RB1: variants seen among roughly 807,000 people sequenced by gnomAD.
RB1 encodes RB transcriptional corepressor 1, also known as retinoblastoma-associated protein.
Under a neutral mutation model 135.4 loss-of-function variants are expected in RB1, and 18 were observed. The observed-to-expected ratio is 0.13, with a 90% CI of 0.09 to 0.20. The LOEUF (loss-of-function observed/expected upper bound fraction) is 0.20, where lower values mean the gene tolerates loss of function less well. Among genes scored for constraint, RB1 ranks in the 10% least tolerant of loss-of-function variants. RB1 has a pLI of 1.00. For missense variants in RB1, 868 were observed against 1,110.0 expected (o/e 0.78, Z 3.10); for synonymous variants, 365 against 373.2 (o/e 0.98, Z 0.25).
chr13:48,442,893 TACCC>T (rs1949251823), intron 17 of RB1, among the ~76,000 whole-genome samples: 1 of 152,124 alleles, frequency 6.6e-6, no homozygotes. Context: ...TTTAAAAAAA[TACCC>T]AACACCACAA....
At chr13:48,423,391 A>G (rs1157625725) in intron 17 of RB1, among the ~76,000 whole-genome samples, 1 of 152,088 alleles carries the variant, frequency 6.6e-6, no homozygotes, top group Non-Finnish European at 1.5e-5. Flanking sequence ...CTCAGGTATA[A>G]TAGATCAAGG....
In RB1 at chr13:48,373,457, G is replaced by A. The variant is rs753350745; in HGVS notation, c.1180G>A (p.Asp394Asn). 5 of 1,595,852 alleles carry A rather than the reference G, an allele frequency of 3.1e-6. No homozygotes were observed. In the Admixed American group the frequency reaches 8.3e-5, roughly 27 times the overall value. The change falls in exon 12 of 27, where the codon GAT becomes AAT. Residue 394 changes from aspartate to asparagine, a missense_variant. Asp to Asn is a conservative substitution (Grantham distance 23). Around this residue, in one of 3 missense-constraint regions of RB1, gnomAD observed 641 missense variants for 791.3 expected, o/e 0.81. Transcript: ENST00000267163. Reference sequence around the variant, plus strand: ...AATGATGATTTTAAATTCAGCAAGTGATCAACCTTCAGAAAATCTGATTTC... The same window carrying A: ...AATGATGATTTTAAATTCAGCAAGTAATCAACCTTCAGAAAATCTGATTTC... The part of the protein sequence containing the change: ...QLMMILNSAS[D>N]QPSENLISYF...
intron 17 of RB1, among the ~76,000 whole-genome samples, chr13:48,382,013 A>G (rs1948540169): frequency 6.6e-6 from 1 of 152,174 alleles, no homozygotes; most frequent in African/African-American, 2.4e-5. Context: ...TGTCCCTACA[A>G]AGGACATGAA....
At chr13:48,448,641 T>C (rs1209328488) in intron 17 of RB1, among the ~76,000 whole-genome samples, 1 of 152,220 alleles carries the variant, frequency 6.6e-6, no homozygotes. Context: ...AAGAGTAAAG[T>C]TAAGAAAAGA....
Position 48,453,077 on chromosome 13 carries a change from C to T in RB1, c.1780C>T (p.Leu594Phe), listed in dbSNP as rs1361971661. ...DHLESACPLN[L>F]PLQNNHTAAD... ...CCTTGAATCTGCTTGTCCTCTTAAT[C>T]TTCCTCTCCAGAATAATCACACTGC... is the stretch of plus-strand genomic sequence containing the variant. The change falls in exon 18 of 27, where the codon CTT (leucine) becomes TTT (phenylalanine). Residue 594 changes from leucine to phenylalanine, a missense_variant. Around this residue, in one of 3 missense-constraint regions of RB1, gnomAD observed 641 missense variants for 791.3 expected, o/e 0.81. Coordinates refer to ENST00000267163, the MANE Select transcript of RB1 (RefSeq NM_000321.3). 1 of 1,612,992 alleles carries T rather than the reference C, an allele frequency of 6.2e-7. No homozygotes were observed. Among genetic ancestry groups the T allele is most frequent in the Non-Finnish European group, 8.5e-7 (1 of 1,179,690 alleles).
In RB1 at chr13:48,411,008, A is replaced by T. The variant is rs533160788; in HGVS notation, c.1695+29565A>T. The T allele has an allele frequency of 2.6e-5, 4 of 152,876 alleles. No homozygotes were observed. The South Asian group carries it at 8.2e-4, about 31-fold the overall frequency. 9.5% of individuals were successfully genotyped at this position (152,876 alleles called of 1,614,324 possible). A position where few individuals can be genotyped will look rare whatever the true frequency, so the allele number is the denominator to read the frequency against. On this transcript the variant is annotated intron_variant, in intron 17 of 26. Transcript: ENST00000267163. The stretch of plus-strand genomic sequence containing the variant: ...ATTCAAAATAAAAATGGTATGTTGA[A>T]TAAAATATTACATAAACATAAATTA...
rs1060503090 is a variant in RB1, at chr13:48,307,377, G to C, written c.235G>C (p.Glu79Gln). Residue 79 changes from glutamate (E) to glutamine (Q), a missense_variant, in exon 2 of 27, where the codon GAG (glutamate) becomes CAG (glutamine). Physicochemically the swap from Glu to Gln is conservative, Grantham distance 29. Transcript: ENST00000267163. The stretch of plus-strand genomic sequence containing the variant: ...CAGAGAGAGAGCTTGGTTAACTTGG[G>C]AGAAAGTTTCATCTGTGGATGGAGT... ...HVRERAWLTW[E>Q]KVSSVDGVLG... 6.2e-7 allele frequency: 1 copy of C among 1,613,448 alleles called. No individual in the cohort carries two copies. The highest frequency in any genetic ancestry group is 1.3e-5 in the African/African-American group (1 of 75,008).
At chr13:48,317,680 G>A (rs1289239652) in intron 2 of RB1, 4 of 541,474 alleles carry the variant, frequency 7.4e-6, no homozygotes, top group African/African-American at 6.3e-5. Context: ...GCTCCTGGGC[G>A]GTGCCGGATC....
At chr13:48,340,604 G>T (rs573987171) in intron 2 of RB1, among the ~76,000 whole-genome samples, 1 of 149,848 alleles carries the variant, frequency 6.7e-6, no homozygotes, top group East Asian at 1.9e-4. Context: ...AAAAAGGCTG[G>T]AATTGATGAA....
intron 8 of RB1, 75 bp from the exon 9 acceptor site, chr13:48,364,819 T>C: frequency 6.7e-7 from 1 of 1,500,776 alleles, no homozygotes; most frequent in Non-Finnish European, 9.0e-7. Flanking sequence ...TAACTTACCC[T>C]GCATTGTTCA....
At position 48,426,065 on chromosome 13, in the gene RB1, G is replaced by GT. The variant is rs548135727; in HGVS notation, c.1696-26927dup. Among the ~76,000 whole-genome samples the GT allele has an allele frequency of 7.2e-3, 1,089 of 152,280 alleles. 10 individuals are homozygous for GT. The highest frequency in any genetic ancestry group is 0.011 in the South Asian group (54 of 4,824). ...TGCATAAAGGATAATAGAAAGCACT[G>GT]TGACCTAGAGATCCAGAATCCTTGA... On this transcript the variant is annotated intron_variant, in intron 17 of 26. Coordinates refer to ENST00000267163, the MANE Select transcript of RB1 (RefSeq NM_000321.3).
At chr13:48,388,641 G>C (rs1173687897) in intron 17 of RB1, among the ~76,000 whole-genome samples, 4 of 152,140 alleles carry the variant, frequency 2.6e-5, no homozygotes, top group African/African-American at 9.7e-5. Flanking sequence ...GGTCTTTCTG[G>C]CTCCAAAGCT....
chr13:48,402,375 A>G (rs1438157628), intron 17 of RB1, among the ~76,000 whole-genome samples: 3 of 22,408 alleles, frequency 1.3e-4, no homozygotes, highest in African/African-American at 2.3e-4. Flanking sequence ...CCCTTGTAGA[A>G]AACCTTTTTT....
intron 6 of RB1, among the ~76,000 whole-genome samples, chr13:48,354,308 G>A (rs550693911): frequency 6.6e-6 from 1 of 151,762 alleles, no homozygotes; most frequent in East Asian, 1.9e-4. Context: ...ATGTGAAAAA[G>A]AAATTTAAAA....
chr13:48,454,046 G>T (rs1025512114), intron 18 of RB1, among the ~76,000 whole-genome samples: 3 of 152,296 alleles, frequency 2.0e-5, no homozygotes, highest in Middle Eastern at 6.8e-3. Context: ...TGTGTGCTGG[G>T]CAATGGCCTA....
chr13:48,344,642 G>C (rs1470510420), intron 3 of RB1, among the ~76,000 whole-genome samples: 1 of 152,124 alleles, frequency 6.6e-6, no homozygotes, highest in Non-Finnish European at 1.5e-5. Context: ...GTTACTTACA[G>C]GGGGATTGAT....
chr13:48,395,557 A>G (rs1343771288), intron 17 of RB1, among the ~76,000 whole-genome samples: 1 of 151,926 alleles, frequency 6.6e-6, no homozygotes, highest in Admixed American at 6.6e-5. Context: ...AACTGAAAAA[A>G]CACAACACGA....
At chr13:48,403,782 A>G (rs1376104356) in intron 17 of RB1, among the ~76,000 whole-genome samples, 1 of 152,074 alleles carries the variant, frequency 6.6e-6, no homozygotes, top group Non-Finnish European at 1.5e-5. Flanking sequence ...TCTGGGTACT[A>G]CACTTTGTGA....
At chr13:48,419,702 G>T (rs1249127793) in intron 17 of RB1, among the ~76,000 whole-genome samples, 1 of 152,036 alleles carries the variant, frequency 6.6e-6, no homozygotes, top group African/African-American at 2.4e-5. Context: ...ATGCTAAAGG[G>T]GATATCACCA....
Sources: allele counts gnomAD v4.1 joint callset (sites outside exome capture counted in the v4.1 genomes callset), GRCh38; gene constraint gnomAD v4.1.1; regional missense constraint gnomAD v4.1.1; transcripts MANE v1.5; gene names NCBI Gene and HGNC (gene_info 2026-07-23, HGNC 2026-07-21).